The following MPPED2 variants were observed in gnomAD, a reference collection of about 807,000 sequenced individuals.
MPPED2 encodes the protein metallophosphoesterase MPPED2.
A neutral mutation model predicts 33.0 loss-of-function variants in MPPED2; 5 were observed. The observed-to-expected ratio is 0.15, with a 90% confidence interval of 0.08 to 0.32. The LOEUF is 0.32. Ranked by LOEUF, MPPED2 falls within the 10% of genes least tolerant of loss-of-function variation. MPPED2 has a pLI of 1.00. For synonymous variants in MPPED2, 136 were observed against 141.9 expected (o/e 0.96, Z 0.29); for missense variants, 275 against 372.1 (o/e 0.74, Z 2.15).
chr11:30,403,610 C>G (rs1947944466), intron 6 of MPPED2, among the ~76,000 whole-genome samples: 1 of 152,134 alleles, frequency 6.6e-6, no homozygotes, highest in Non-Finnish European at 1.5e-5. Context: ...GTTTAATGTC[C>G]CAGGATCTCT....
intron 4 of MPPED2, among the ~76,000 whole-genome samples, chr11:30,428,727 G>A (rs961853184): frequency 4.6e-5 from 7 of 152,004 alleles, no homozygotes; most frequent in Admixed American, 1.3e-4. Flanking sequence ...TCTATAAAAC[G>A]GAGATAAAAA....
At chr11:30,478,428 G>A (rs899832100) in intron 4 of MPPED2, among the ~76,000 whole-genome samples, 1 of 151,928 alleles carries the variant, frequency 6.6e-6, no homozygotes, top group South Asian at 2.1e-4. Flanking sequence ...GATAAGAAAC[G>A]AGAAAGCACA....
chr11:30,408,299 C>T (rs1463298387), downstream of MPPED2, among the ~76,000 whole-genome samples: 2 of 152,122 alleles, frequency 1.3e-5, no homozygotes, highest in Non-Finnish European at 2.9e-5. Context: ...AGGATATATC[C>T]CCAGGCTTGT....
intron 4 of MPPED2, among the ~76,000 whole-genome samples, chr11:30,480,308 G>A (rs564034641): frequency 6.6e-6 from 1 of 151,958 alleles, no homozygotes; most frequent in African/African-American, 2.4e-5. Context: ...CCTTTTAAAT[G>A]CCTTTCCCTT....
intron 2 of MPPED2, among the ~76,000 whole-genome samples, chr11:30,541,412 G>T (rs1955105556): frequency 6.6e-6 from 1 of 152,090 alleles, no homozygotes; most frequent in African/African-American, 2.4e-5. Context: ...CATGTGGTTT[G>T]TTGTGACATG....
At chr11:30,412,144 A>C (rs1948133151) in intron 6 of MPPED2, among the ~76,000 whole-genome samples, 1 of 151,506 alleles carries the variant, frequency 6.6e-6, no homozygotes, top group East Asian at 1.9e-4. Flanking sequence ...TGTGGCTTTA[A>C]TACTAAGTTC....
At chr11:30,519,385 CAT>C (rs1328316294) in intron 3 of MPPED2, among the ~76,000 whole-genome samples, 4 of 151,710 alleles carry the variant, frequency 2.6e-5, no homozygotes, top group African/African-American at 9.7e-5. Flanking sequence ...TATATATACA[CAT>C]ATATATGTGT....
intron 3 of MPPED2, among the ~76,000 whole-genome samples, chr11:30,533,075 G>A (rs1002148704): frequency 4.6e-5 from 7 of 152,136 alleles, no homozygotes; most frequent in Non-Finnish European, 7.4e-5. Flanking sequence ...AGCTTCAAAT[G>A]TGCATGCTTC....
At chr11:30,416,133 A>G (rs1439664041) in intron 5 of MPPED2, among the ~76,000 whole-genome samples, 1 of 152,268 alleles carries the variant, frequency 6.6e-6, no homozygotes, top group Non-Finnish European at 1.5e-5. Flanking sequence ...ATTTTAAAAC[A>G]TGGGTTGAGG....
At chr11:30,434,869 T>C (rs1949256331) in intron 4 of MPPED2, among the ~76,000 whole-genome samples, 1 of 152,134 alleles carries the variant, frequency 6.6e-6, no homozygotes, top group African/African-American at 2.4e-5. Flanking sequence ...TTTTCAGTTT[T>C]ACAGACGATC....
At chr11:30,404,976 A>G (rs187531396) in intron 6 of MPPED2, among the ~76,000 whole-genome samples, 287 of 152,284 alleles carry the variant, frequency 1.9e-3, no homozygotes, top group Non-Finnish European at 2.7e-3. Flanking sequence ...TGGGGAGCTC[A>G]TATGCAGACA....
intron 3 of MPPED2, among the ~76,000 whole-genome samples, chr11:30,522,791 G>A (rs1169244341): frequency 6.6e-6 from 1 of 152,154 alleles, no homozygotes; most frequent in Non-Finnish European, 1.5e-5. Flanking sequence ...TGTGTGGAGT[G>A]AGCTAATGAT....
intron 3 of MPPED2, among the ~76,000 whole-genome samples, chr11:30,520,382 G>C (rs1161378541): frequency 2.0e-5 from 3 of 152,154 alleles, no homozygotes; most frequent in Non-Finnish European, 4.4e-5. Context: ...CAAAAGCTGG[G>C]AAATTCAGGC....
chr11:30,445,204 C>T (rs1285128059), intron 4 of MPPED2, among the ~76,000 whole-genome samples: 1 of 148,832 alleles, frequency 6.7e-6, no homozygotes, highest in African/African-American at 2.5e-5. Context: ...ACTCCCCGGG[C>T]TGAGGAAGGG....
At chr11:30,581,242 G>A (rs3758905) in intron 1 of MPPED2, among the ~76,000 whole-genome samples, 8 of 151,960 alleles carry the variant, frequency 5.3e-5, no homozygotes, top group Non-Finnish European at 8.8e-5. Context: ...CCGATGGAGC[G>A]GTAAAGAAGG....
At chr11:30,553,018 G>A (rs1955789074) in intron 2 of MPPED2, among the ~76,000 whole-genome samples, 2 of 152,138 alleles carry the variant, frequency 1.3e-5, no homozygotes, top group Non-Finnish European at 2.9e-5. Flanking sequence ...GTTCTCGACA[G>A]GCCCGGCCAC....
chr11:30,472,408 A>C (rs1294225147), intron 4 of MPPED2, among the ~76,000 whole-genome samples: 1 of 152,088 alleles, frequency 6.6e-6, no homozygotes, highest in African/African-American at 2.4e-5. Flanking sequence ...TGAAGGGAGA[A>C]GAGGACCTTA....
chr11:30,468,366 G>T (rs894700033), intron 4 of MPPED2, among the ~76,000 whole-genome samples: 45 of 152,102 alleles, frequency 3.0e-4, no homozygotes, highest in African/African-American at 1.1e-3. Context: ...ACTTCACCAT[G>T]TGGCATAGCC....
At chr11:30,564,977 G>T (rs1250536986) in intron 2 of MPPED2, among the ~76,000 whole-genome samples, 1 of 152,134 alleles carries the variant, frequency 6.6e-6, no homozygotes, top group African/African-American at 2.4e-5. Flanking sequence ...CATCAAAAAT[G>T]TAAGAGTGAG....
Sources: allele counts gnomAD v4.1 joint callset (sites outside exome capture counted in the v4.1 genomes callset), GRCh38; gene constraint gnomAD v4.1.1; transcripts MANE v1.5; gene names NCBI Gene and HGNC (gene_info 2026-07-23, HGNC 2026-07-21).